DCTN4: variants seen among roughly 807,000 people sequenced by gnomAD.
DCTN4 encodes dynactin 4 (p62).
Under a neutral mutation model 62.7 loss-of-function variants are expected in DCTN4, and 23 were observed. The ratio of observed to expected loss-of-function variants is 0.37; its 90% CI spans 0.26 to 0.52. The LOEUF is 0.52. Among genes scored for constraint, DCTN4 ranks in the 20% least tolerant of loss-of-function variants. The pLI is 0.92. For synonymous variants in DCTN4, 199 were observed against 202.1 expected (o/e 0.98, Z 0.13); for missense variants, 514 against 580.4 (o/e 0.89, Z 1.18).
chr5:150,738,070 A>G (rs1356337181), intron 4 of DCTN4, among the ~76,000 whole-genome samples: 1 of 152,190 alleles, frequency 6.6e-6, no homozygotes, highest in Admixed American at 6.5e-5. Context: ...AACCAGGAAG[A>G]AATAGGAACT....
At chr5:150,758,061 T>A (rs1486068639) in intron 1 of DCTN4, 3 of 982,158 alleles carry the variant, frequency 3.1e-6, no homozygotes, top group Non-Finnish European at 3.6e-6. Flanking sequence ...TACTATCAGC[T>A]TTTTCTTCAC....
At chr5:150,750,379 T>C (rs190509774) in intron 3 of DCTN4, among the ~76,000 whole-genome samples, 2 of 152,324 alleles carry the variant, frequency 1.3e-5, no homozygotes, top group East Asian at 1.9e-4. Flanking sequence ...TACATATTAC[T>C]ACTAGGAGCA....
At chr5:150,721,893 T>C (rs149450400) in intron 9 of DCTN4, among the ~76,000 whole-genome samples, 1,658 of 152,302 alleles carry the variant, frequency 0.011, 26 homozygotes, top group African/African-American at 0.035. Context: ...GGGACAATCA[T>C]AGCTTACTGC....
intron 1 of DCTN4, 39 bp downstream of exon 1, chr5:150,758,820 C>T (rs749799372): frequency 6.9e-6 from 11 of 1,605,248 alleles, no homozygotes; most frequent in Non-Finnish European, 9.4e-6. Flanking sequence ...CGCCGCGCCC[C>T]CCCCACCCCA....
intron 2 of DCTN4, among the ~76,000 whole-genome samples, chr5:150,756,202 T>C (rs991769038): frequency 6.6e-6 from 1 of 152,002 alleles, no homozygotes; most frequent in Non-Finnish European, 1.5e-5. Context: ...CCACCACACC[T>C]AGCTAATTTT....
At chr5:150,755,653 C>T in intron 2 of DCTN4, 1 of 435,048 alleles carries the variant, frequency 2.3e-6, no homozygotes, top group South Asian at 1.6e-5. Flanking sequence ...CTTTTGAGGT[C>T]ATCAAAACCA....
chr5:150,737,083 T>C (rs1010906754), intron 4 of DCTN4, among the ~76,000 whole-genome samples: 1 of 152,126 alleles, frequency 6.6e-6, no homozygotes, highest in Non-Finnish European at 1.5e-5. Context: ...TAAATATATA[T>C]GCACCTAACA....
At chr5:150,745,107 A>C (rs9716104) in intron 3 of DCTN4, among the ~76,000 whole-genome samples, 16,977 of 142,948 alleles carry the variant, frequency 0.12, 2,123 homozygotes, top group African/African-American at 0.32. Flanking sequence ...TCTACCAAGC[A>C]AATGGAAAAC....
chr5:150,709,912 T>G lies in DCTN4; in HGVS notation c.*1237A>C, dbSNP rs1386431344. The G allele has an allele frequency of 6.6e-6, 1 of 152,376 alleles. No individual in the cohort carries two copies. The highest frequency in any genetic ancestry group is 1.5e-5 in the Non-Finnish European group (1 of 68,050). The allele number at this position is 152,376 out of a possible 1,614,324, so 9.4% of individuals were successfully genotyped here. A position where few individuals can be genotyped will look rare whatever the true frequency, so the allele number is the denominator to read the frequency against. On this transcript the variant is annotated 3_prime_UTR_variant, in exon 13 of 13. Coordinates refer to ENST00000447998, the MANE Select transcript of DCTN4 (RefSeq NM_016221.4). ...ACACGGTGCAGCTGGTGGTCTACTTTATCAAGTTTCATTTTAGAAAACATC... is the reference window on the plus strand; with the variant it reads ...ACACGGTGCAGCTGGTGGTCTACTTGATCAAGTTTCATTTTAGAAAACATC...
At chr5:150,716,441 T>C (rs1209139650) in intron 11 of DCTN4, among the ~76,000 whole-genome samples, 3 of 152,200 alleles carry the variant, frequency 2.0e-5, no homozygotes, top group Non-Finnish European at 4.4e-5. Context: ...TTCAGACTTA[T>C]GTTGTAATTA....
chr5:150,743,363 C>G (rs922820826), intron 3 of DCTN4, among the ~76,000 whole-genome samples: 1 of 152,206 alleles, frequency 6.6e-6, no homozygotes, highest in Admixed American at 6.5e-5. Context: ...CTCCACCTCT[C>G]GGGGCAGGGC....
chr5:150,711,277 A>G lies in DCTN4; in HGVS notation c.1255T>C (p.Phe419Leu). 1 of 1,613,570 alleles carries G rather than the reference A, an allele frequency of 6.2e-7. No homozygotes were observed. The highest frequency in any genetic ancestry group is 8.5e-7 in the Non-Finnish European group (1 of 1,180,036). The stretch of plus-strand genomic sequence containing the variant: ...TTTTTAAAATCATGCTTCATCTTGA[A>G]GCACACGGTCACTTCACCCTCCTCA... ...QREEGEVTVCFKMKHDFKNLA... is the reference protein window; with the variant it reads ...QREEGEVTVCLKMKHDFKNLA... The change falls in exon 13 of 13, where the codon TTC (phenylalanine) becomes CTC (leucine). Residue 419 changes from phenylalanine (F) to leucine (L), a missense_variant. By Grantham distance (22) the Phe-to-Leu change is conservative (BLOSUM62 0). Transcript: ENST00000447998.
At chr5:150,732,174 G>C (rs1045359667) in intron 5 of DCTN4, among the ~76,000 whole-genome samples, 2 of 152,096 alleles carry the variant, frequency 1.3e-5, no homozygotes, top group African/African-American at 4.8e-5. Context: ...TTTTGAGACA[G>C]AGTCTCACTC....
intron 8 of DCTN4, 61 bp from the exon 9 acceptor site, chr5:150,723,041 G>A (rs745723482): frequency 1.7e-5 from 21 of 1,238,392 alleles, no homozygotes; most frequent in Middle Eastern, 1.9e-4. Context: ...TTGATCCATA[G>A]AGCTGCTAAA....
At chr5:150,716,334 A>G (rs532842563) in intron 11 of DCTN4, among the ~76,000 whole-genome samples, 6 of 152,274 alleles carry the variant, frequency 3.9e-5, no homozygotes, top group East Asian at 3.9e-4. Flanking sequence ...TTCCAACACA[A>G]TGTTTTTTGA....
intron 3 of DCTN4, among the ~76,000 whole-genome samples, chr5:150,744,245 G>T (rs1760876214): frequency 6.7e-6 from 1 of 150,214 alleles, no homozygotes; most frequent in African/African-American, 2.5e-5. Context: ...AGAGAAAAAA[G>T]AATAAAAAGA....
intron 7 of DCTN4, 151 bp downstream of exon 7, chr5:150,730,893 A>C: frequency 1.3e-6 from 1 of 794,216 alleles, no homozygotes; most frequent in Admixed American, 2.7e-5. Context: ...GATTTCAAAC[A>C]ATTACCTCTA....
intron 10 of DCTN4, 30 bp from the exon 11 acceptor site, chr5:150,718,413 A>G (rs1489455864): frequency 6.5e-7 from 1 of 1,527,878 alleles, no homozygotes; most frequent in South Asian, 1.1e-5. Context: ...TCTCTCAGAC[A>G]TTCGCCACTT....
intron 1 of DCTN4, among the ~76,000 whole-genome samples, chr5:150,756,914 T>G (rs1013882298): frequency 5.3e-5 from 8 of 152,188 alleles, no homozygotes; most frequent in African/African-American, 1.9e-4. Flanking sequence ...TTTAAAGATT[T>G]CTCATTATTG....
Sources: gnomAD v4.1 joint callset for allele counts (sites outside exome capture counted in the v4.1 genomes callset) on GRCh38, gnomAD v4.1.1 for gene constraint, MANE v1.5 for transcripts, NCBI Gene and HGNC (gene_info 2026-07-23, HGNC 2026-07-21) for gene names.